Variants in KCNT1 observed in about 807,000 individuals in gnomAD.
KCNT1 encodes the protein potassium channel subfamily T member 1.
KCNT1 carries 78 observed loss-of-function variants against 147.8 expected under a neutral mutation model. That is an observed-to-expected ratio of 0.53 (90% CI 0.44 to 0.64). KCNT1 has a LOEUF of 0.64. Ranked by LOEUF, KCNT1 falls within the 30% of genes least tolerant of loss-of-function variation. The probability of loss-of-function intolerance (pLI) is 0.00; values close to 1 mark genes in which losing one functional copy is unlikely to be tolerated. For missense variants in KCNT1, 1,419 were observed against 1,750.3 expected, an observed-to-expected ratio of 0.81 and a Z score of 3.38; for synonymous variants, 867 against 748.8, an observed-to-expected ratio of 1.16 and a Z score of -2.58.
Position 135,754,091 on chromosome 9 carries a change from G to T in KCNT1, c.491+98G>T, listed in dbSNP as rs1378084124. On this transcript the variant is annotated intron_variant, in intron 5 of 30. Transcript: ENST00000371757. ...CCACTCCAGCTCCCAATAGCCAGGCGCTCAGAGGCCTGGGACCAGGGTGGG... is the reference window on the plus strand; with the variant it reads ...CCACTCCAGCTCCCAATAGCCAGGCTCTCAGAGGCCTGGGACCAGGGTGGG... 36 of 1,124,628 alleles carry T rather than the reference G, an allele frequency of 3.2e-5. No individual in the cohort carries two copies. In the East Asian group the frequency reaches 8.2e-4, roughly 26 times the overall value. The allele number at this position is 1,124,628 out of a possible 1,614,324, so 69.7% of individuals were successfully genotyped here. A position where few individuals can be genotyped will look rare whatever the true frequency, so the allele number is the denominator to read the frequency against.
At chr9:135,749,142 G>A (rs1323913487) in intron 2 of KCNT1, among the ~76,000 whole-genome samples, 1 of 152,190 alleles carries the variant, frequency 6.6e-6, no homozygotes, top group Non-Finnish European at 1.5e-5. Context: ...TTAAACCCTG[G>A]CCTAGCCTGG....
At position 135,702,314 on chromosome 9, in the gene KCNT1, G is replaced by A; in HGVS notation, c.56G>A (p.Gly19Asp). The A allele has an allele frequency of 6.2e-7, 1 of 1,610,838 alleles. No homozygotes were observed. Among genetic ancestry groups the A allele is most frequent in the African/African-American group, 1.3e-5 (1 of 74,870 alleles). The change falls in exon 1 of 31, where the codon GGC (glycine) becomes GAC (aspartate). Residue 19 changes from glycine (G) to aspartate (D), a missense_variant. Transcript: ENST00000371757. Reference sequence around the variant, plus strand: ...GGGGGCGTCTGCCGGGAGGCGCGCGGCGGGGGCTACACCAACCGGACCTTC... The same window carrying A: ...GGGGGCGTCTGCCGGGAGGCGCGCGACGGGGGCTACACCAACCGGACCTTC... ...TPGGVCREARGGGYTNRTFEF... is the reference protein window; with the variant it reads ...TPGGVCREARDGGYTNRTFEF...
At chr9:135,779,616 G>C (rs1049794320) in intron 24 of KCNT1, 146 bp downstream of exon 24, 13 of 647,338 alleles carry the variant, frequency 2.0e-5, no homozygotes, top group African/African-American at 5.4e-5. Context: ...GGCGTGGGGG[G>C]CCCAGCATGG....
Position 135,730,199 on chromosome 9 carries a change from G to T in KCNT1, c.254+15479G>T, listed in dbSNP as rs369982433. 6.6e-6 allele frequency among the ~76,000 whole-genome samples: 1 copy of T among 152,168 alleles called. No individual in the cohort carries two copies. The highest frequency in any genetic ancestry group is 1.5e-5 in the Non-Finnish European group (1 of 68,044). On this transcript the variant is annotated intron_variant, in intron 2 of 30. Transcript: ENST00000371757. The surrounding 1 kb of genome is among the most constrained non-coding windows in gnomAD (Gnocchi z 4.7). Reference sequence around the variant, plus strand: ...AGGCAGTGTTGAATTGCAGCCTCTAGTGGCGACAACAAGGAAAGGGGTTCC... The same window carrying T: ...AGGCAGTGTTGAATTGCAGCCTCTATTGGCGACAACAAGGAAAGGGGTTCC...
chr9:135,787,226 C>G (rs1834126276), intron 29 of KCNT1, among the ~76,000 whole-genome samples: 1 of 152,226 alleles, frequency 6.6e-6, no homozygotes, highest in Non-Finnish European at 1.5e-5. Flanking sequence ...AGCAACAGAT[C>G]CGTGCAGCCC....
intron 2 of KCNT1, among the ~76,000 whole-genome samples, chr9:135,737,449 G>A (rs1391203774): frequency 1.3e-5 from 2 of 152,180 alleles, no homozygotes; most frequent in Non-Finnish European, 2.9e-5. Flanking sequence ...CACCTTTCCC[G>A]TGCCAGGAGC....
Position 135,772,772 on chromosome 9 carries a change from G to A in KCNT1, c.2066G>A (p.Gly689Glu). 1 of 1,481,002 alleles carries A rather than the reference G, an allele frequency of 6.8e-7. No homozygotes were observed. The highest frequency in any genetic ancestry group is 9.0e-7 in the Non-Finnish European group (1 of 1,113,360). The allele number at this position is 1,481,002 out of a possible 1,614,324, so 91.7% of individuals were successfully genotyped here. ...TEHRPTQSGG[G>E]GGGSKLALPT... ...CACCGGCCTACGCAGAGCGGCGGTG[G>A]GGGCGGGGGCAGCAAGCTGGCACTG... The change falls in exon 19 of 31, where the codon GGG (glycine) becomes GAG (glutamate). Residue 689 changes from glycine (G) to glutamate (E), a missense_variant. This residue lies in a region of KCNT1 where 284 missense variants were observed against 292.8 expected (regional missense o/e 0.97). Coordinates refer to ENST00000371757, the MANE Select transcript of KCNT1 (RefSeq NM_020822.3).
intron 2 of KCNT1, among the ~76,000 whole-genome samples, chr9:135,728,425 C>T (rs1223424667): frequency 3.3e-5 from 5 of 152,240 alleles, no homozygotes; most frequent in Non-Finnish European, 1.5e-5. Flanking sequence ...CCGCAGGCCC[C>T]TCCTTGGGAA....
intron 18 of KCNT1, chr9:135,771,309 C>CA (rs1564372015): frequency 1.2e-4 from 70 of 606,784 alleles, no homozygotes; most frequent in Middle Eastern, 4.3e-4. Context: ...GAGACCAGAC[C>CA]GGGCAGGGCA....
chr9:135,725,415 C>T (rs1836094173), intron 2 of KCNT1, among the ~76,000 whole-genome samples: 1 of 152,220 alleles, frequency 6.6e-6, no homozygotes, highest in South Asian at 2.1e-4. Context: ...AACCCAGAGA[C>T]ACAGAGAAGA....
chr9:135,793,205 T>C lies in KCNT1; in HGVS notation c.*1044T>C, dbSNP rs1157679701. On this transcript the variant is annotated 3_prime_UTR_variant, in exon 31 of 31. Coordinates refer to ENST00000371757, the MANE Select transcript of KCNT1 (RefSeq NM_020822.3). ...CTCTCACCCCTCCCAGCCACCCCACTTTAAGGGTTACAAACACCTGCTGGG... is the reference window on the plus strand; with the variant it reads ...CTCTCACCCCTCCCAGCCACCCCACCTTAAGGGTTACAAACACCTGCTGGG... 6.6e-6 allele frequency: 1 copy of C among 152,202 alleles called. No individual in the cohort carries two copies. Among genetic ancestry groups the C allele is most frequent in the Non-Finnish European group, 1.5e-5 (1 of 68,030 alleles). 9.4% of individuals were successfully genotyped at this position (152,202 alleles called of 1,614,324 possible).
intron 19 of KCNT1, 106 bp downstream of exon 19, chr9:135,773,055 A>G: frequency 1.3e-6 from 1 of 778,664 alleles, no homozygotes; most frequent in Non-Finnish European, 1.9e-6. Context: ...TCTGAATTGC[A>G]GCTTCTGGAC....
rs533852373 is a variant in KCNT1, at chr9:135,763,974, G to A, written c.1036-1057G>A. On this transcript the variant is annotated intron_variant, in intron 11 of 30. Coordinates refer to ENST00000371757, the MANE Select transcript of KCNT1 (RefSeq NM_020822.3). ...CCATCCGCGGGGAAGCCTCTGTTCC[G>A]GTCGCCCTGGAGTCTTGAGCACCTC... Among the ~76,000 whole-genome samples the A allele has an allele frequency of 3.3e-5, 5 of 152,228 alleles. No homozygotes were observed. In the South Asian group the frequency reaches 6.2e-4, roughly 19 times the overall value.
chr9:135,776,993 A>G (rs1434186536), intron 20 of KCNT1, among the ~76,000 whole-genome samples: 1 of 152,240 alleles, frequency 6.6e-6, no homozygotes, highest in Non-Finnish European at 1.5e-5. Flanking sequence ...TGGCGTGCTC[A>G]CTGCTGTTGG....
intron 13 of KCNT1, 126 bp from the exon 14 acceptor site, chr9:135,768,484 C>T (rs971706612): frequency 4.1e-4 from 279 of 677,182 alleles, no homozygotes; most frequent in Non-Finnish European, 4.2e-4. Context: ...TCCTCTCAGT[C>T]TCTTTCTGTG....
intron 13 of KCNT1, among the ~76,000 whole-genome samples, chr9:135,767,557 TC>T (rs1176767443): frequency 6.6e-6 from 1 of 150,396 alleles, no homozygotes; most frequent in Non-Finnish European, 1.5e-5. Context: ...GCCCCCAGAT[TC>T]CCCCCTCCCT....
intron 24 of KCNT1, 85 bp downstream of exon 24, chr9:135,779,555 G>A: frequency 9.8e-7 from 1 of 1,019,772 alleles, no homozygotes; most frequent in South Asian, 1.3e-5. Flanking sequence ...GGGGGCCAGT[G>A]CCATGGGAGG....
chr9:135,726,568 C>A (rs1223842022), intron 2 of KCNT1, among the ~76,000 whole-genome samples: 1 of 152,030 alleles, frequency 6.6e-6, no homozygotes. Flanking sequence ...CTGCTACGGA[C>A]GGGGCCCCTT....
At chr9:135,741,305 G>C (rs1381866521) in intron 2 of KCNT1, among the ~76,000 whole-genome samples, 4 of 152,188 alleles carry the variant, frequency 2.6e-5, no homozygotes, top group Non-Finnish European at 2.9e-5. Flanking sequence ...GACACAGTGG[G>C]CCCCAGCAGG....
Sources: gnomAD v4.1 joint callset for allele counts (sites outside exome capture counted in the v4.1 genomes callset) on GRCh38, gnomAD v4.1.1 for gene constraint, gnomAD v4.1.1 regional missense constraint, Gnocchi (gnomAD v3.1) non-coding constraint, MANE v1.5 for transcripts, NCBI Gene and HGNC (gene_info 2026-07-23, HGNC 2026-07-21) for gene names.